Variants in ST18 observed in about 807,000 individuals in gnomAD.
ST18 encodes the protein ST18 C2H2C-type zinc finger transcription factor, also known as suppression of tumorigenicity 18 protein.
ST18 carries 50 observed loss-of-function variants against 110.0 expected under a neutral mutation model. The ratio of observed to expected loss-of-function variants is 0.45; its 90% CI spans 0.36 to 0.58. ST18 has a LOEUF of 0.58. Among genes scored for constraint, ST18 ranks in the 20% least tolerant of loss-of-function variants. The pLI, the probability that ST18 is intolerant of heterozygous loss-of-function variation, is 0.00. For synonymous variants in ST18, 461 were observed against 452.4 expected (o/e 1.02, Z -0.24); for missense variants, 1,306 against 1,280.1 (o/e 1.02, Z -0.31).
At chr8:52,190,549 A>T (rs1476708935) in intron 8 of ST18, among the ~76,000 whole-genome samples, 1 of 152,180 alleles carries the variant, frequency 6.6e-6, no homozygotes, top group Non-Finnish European at 1.5e-5. Context: ...GTGGATTAAC[A>T]TACACTCAAA....
intron 2 of ST18, among the ~76,000 whole-genome samples, chr8:52,264,459 G>A (rs2094804449): frequency 6.6e-6 from 1 of 152,160 alleles, no homozygotes; most frequent in Non-Finnish European, 1.5e-5. Flanking sequence ...ATATTTATCT[G>A]AAGCTACGGA....
At chr8:52,332,615 G>C (rs1810094278) in intron 2 of ST18, among the ~76,000 whole-genome samples, 3 of 150,502 alleles carry the variant, frequency 2.0e-5, no homozygotes, top group South Asian at 4.2e-4. Context: ...CACTTTGGGA[G>C]GCCAAGGTAG....
At position 52,250,099 on chromosome 8, in the gene ST18, C is replaced by T. The variant is rs182710755; in HGVS notation, c.-464-20022G>A. ...GAAATGCTGAGAGCACTATGAATGA[C>T]GACAGCTGTCCATAAGTATCAGAGA... On this transcript the variant is annotated intron_variant, in intron 2 of 25. Coordinates refer to ENST00000689386, the MANE Select transcript of ST18 (RefSeq NM_001352837.2). Among the ~76,000 whole-genome samples, 8 of 152,016 alleles carry T rather than the reference C, an allele frequency of 5.3e-5. No homozygotes were observed. In the East Asian group the frequency reaches 9.7e-4, roughly 18 times the overall value.
chr8:52,130,664 G>C (rs527565844), intron 22 of ST18, among the ~76,000 whole-genome samples: 1 of 152,312 alleles, frequency 6.6e-6, no homozygotes, highest in African/African-American at 2.4e-5. Flanking sequence ...TCTTAAAGTG[G>C]CACTATCAGT....
At chr8:52,164,680 C>T (rs894816553) in intron 12 of ST18, among the ~76,000 whole-genome samples, 5 of 152,184 alleles carry the variant, frequency 3.3e-5, no homozygotes, top group Admixed American at 2.0e-4. Flanking sequence ...ATGCTAGTTG[C>T]AATTTCAGTG....
At chr8:52,390,306 T>C (rs1041358777) in intron 2 of ST18, among the ~76,000 whole-genome samples, 2 of 152,094 alleles carry the variant, frequency 1.3e-5, no homozygotes, top group Non-Finnish European at 1.5e-5. Flanking sequence ...GACTTGGCAA[T>C]CTGTTAGGAT....
At chr8:52,386,719 G>A (rs1313276337) in intron 2 of ST18, among the ~76,000 whole-genome samples, 4 of 152,068 alleles carry the variant, frequency 2.6e-5, no homozygotes, top group Admixed American at 6.6e-5. Context: ...CTCTAGAGAC[G>A]TCAAAGCATT....
chr8:52,225,196 C>G (rs2088846421), intron 3 of ST18, among the ~76,000 whole-genome samples: 1 of 152,148 alleles, frequency 6.6e-6, no homozygotes, highest in African/African-American at 2.4e-5. Flanking sequence ...TTATGCAAGA[C>G]CTATATTTCT....
In ST18 at chr8:52,132,007, C is replaced by T. The variant is rs930146429; in HGVS notation, c.2617G>A (p.Gly873Ser). Residue 873 changes from glycine to serine, a missense_variant, in exon 22 of 26, where the codon GGC (glycine) becomes AGC (serine). Gly to Ser is a moderately conservative substitution (Grantham distance 56, BLOSUM62 0). Coordinates refer to ENST00000689386, the MANE Select transcript of ST18 (RefSeq NM_001352837.2). ...KQELPHCPLP[G>S]CNGLGHVNNV... ...TTTACATGGCCCAGCCCATTGCAGC[C>T]TGGCAAGGGACAATGTGGTAGCTCT... The T allele has an allele frequency of 1.2e-6, 2 of 1,614,100 alleles. No individual in the cohort carries two copies. Among genetic ancestry groups the T allele is most frequent in the Admixed American group, 1.7e-5 (1 of 60,010 alleles).
chr8:52,113,630 T>C (rs1394237052), intron 25 of ST18, among the ~76,000 whole-genome samples: 1 of 152,164 alleles, frequency 6.6e-6, no homozygotes, highest in East Asian at 1.9e-4. Context: ...TTTCTACTTC[T>C]CTTGGGAGGC....
intron 6 of ST18, among the ~76,000 whole-genome samples, chr8:52,217,082 T>C (rs571359583): frequency 1.2e-4 from 18 of 152,214 alleles, no homozygotes; most frequent in Non-Finnish European, 1.9e-4. Context: ...TGATCGTCTT[T>C]ACTGCCTAAG....
intron 2 of ST18, among the ~76,000 whole-genome samples, chr8:52,365,017 G>A (rs1827265310): frequency 6.6e-6 from 1 of 152,078 alleles, no homozygotes; most frequent in African/African-American, 2.4e-5. Flanking sequence ...GGGAGGCAGA[G>A]GCAGGATAAT....
chr8:52,318,845 C>A (rs961413908), intron 2 of ST18, among the ~76,000 whole-genome samples: 3 of 150,632 alleles, frequency 2.0e-5, no homozygotes, highest in African/African-American at 7.4e-5. Context: ...TGCGTATTCT[C>A]ACTTATAAGT....
intron 2 of ST18, among the ~76,000 whole-genome samples, chr8:52,233,319 G>A (rs2137058355): frequency 6.6e-6 from 1 of 152,102 alleles, no homozygotes; most frequent in South Asian, 2.1e-4. Context: ...AATCAAAGAG[G>A]TAATAAAATA....
intron 8 of ST18, among the ~76,000 whole-genome samples, chr8:52,196,452 G>A (rs952547037): frequency 1.1e-4 from 16 of 152,142 alleles, no homozygotes; most frequent in Admixed American, 7.2e-4. Flanking sequence ...GTCCTGTGAG[G>A]ACTGATGTCC....
chr8:52,347,884 C>T (rs1196674861), intron 2 of ST18, among the ~76,000 whole-genome samples: 3 of 152,192 alleles, frequency 2.0e-5, no homozygotes, highest in African/African-American at 4.8e-5. Flanking sequence ...CAGACTGTTT[C>T]CAGAGTGCCA....
chr8:52,286,881 C>T (rs751852505), intron 2 of ST18, among the ~76,000 whole-genome samples: 6 of 151,832 alleles, frequency 4.0e-5, no homozygotes, highest in African/African-American at 9.7e-5. Flanking sequence ...GAATCAGAAA[C>T]TCTGGGGCTG....
rs908148976 is a variant in ST18 at position 52,116,329 on chromosome 8, T to C, written c.2949A>G (p.Ala983=). The part of the protein sequence containing the change: ...QNNESLLKEL[A]GLSQALISSL... ...TTGAAATGAGAGCTTGGCTTAGACC[T>C]GCCAGCTCTTTCAGCAGACTTTCAT... The change falls in exon 25 of 26, where the codon GCA becomes GCG. Residue 983 remains alanine, a synonymous_variant. Coordinates refer to ENST00000689386, the MANE Select transcript of ST18 (RefSeq NM_001352837.2). 1.2e-6 allele frequency: 2 copies of C among 1,613,920 alleles called. No homozygotes were observed. The highest frequency in any genetic ancestry group is 1.7e-6 in the Non-Finnish European group (2 of 1,179,956).
intron 2 of ST18, among the ~76,000 whole-genome samples, chr8:52,237,734 C>A (rs753794975): frequency 2.0e-5 from 3 of 152,312 alleles, no homozygotes; most frequent in South Asian, 2.1e-4. Context: ...ATAATGTAGG[C>A]TAGAGGATGG....
Sources: allele counts gnomAD v4.1 joint callset (sites outside exome capture counted in the v4.1 genomes callset), GRCh38; gene constraint gnomAD v4.1.1; transcripts MANE v1.5; gene names NCBI Gene and HGNC (gene_info 2026-07-23, HGNC 2026-07-21).